Variants in PPP2R5E observed in about 807,000 individuals in gnomAD.
PPP2R5E encodes the protein serine/threonine-protein phosphatase 2A 56 kDa regulatory subunit epsilon isoform.
Under a neutral mutation model 65.3 loss-of-function variants are expected in PPP2R5E, and 4 were observed. That is an observed-to-expected ratio of 0.06 (90% CI 0.03 to 0.14). The LOEUF is 0.14. PPP2R5E is among the 10% of genes least tolerant of loss of function. The pLI is 1.00. For missense variants in PPP2R5E, 274 were observed against 556.1 expected (o/e 0.49, Z 5.10); for synonymous variants, 183 against 187.4 (o/e 0.98, Z 0.19).
At chr14:63,500,278 G>A (rs913758936) in intron 2 of PPP2R5E, among the ~76,000 whole-genome samples, 3 of 152,044 alleles carry the variant, frequency 2.0e-5, no homozygotes, top group Admixed American at 1.3e-4. Flanking sequence ...TTCAGAAACC[G>A]ACGCCCTAGA....
At chr14:63,448,787 C>CA (rs36096050) in intron 3 of PPP2R5E, among the ~76,000 whole-genome samples, 34,312 of 86,180 alleles carry the variant, frequency 0.4, 6,598 homozygotes, top group African/African-American at 0.57. Flanking sequence ...AAGACTTCGT[C>CA]AAAAAAAAAA....
chr14:63,507,287 C>G (rs73278606), intron 2 of PPP2R5E, among the ~76,000 whole-genome samples: 1 of 152,144 alleles, frequency 6.6e-6, no homozygotes, highest in Admixed American at 6.5e-5. Context: ...AACTGCCTAC[C>G]TGCTGTGAGT....
In PPP2R5E at chr14:63,485,381, G is replaced by C. The variant is rs1022172456; in HGVS notation, c.158-31496C>G. ...AGCCTCCAGAGTAACTGGGACTACA[G>C]GCACTAAGCCATGGTTTGTTTTTTT... On this transcript the variant is annotated intron_variant, in intron 2 of 13. Transcript: ENST00000337537. 7.9e-5 allele frequency among the ~76,000 whole-genome samples: 12 copies of C among 152,100 alleles called. 1 individual carries two copies. The highest frequency in any genetic ancestry group is 2.9e-4 in the African/African-American group (12 of 41,416).
chr14:63,428,681 T>C (rs1887469295), intron 3 of PPP2R5E, among the ~76,000 whole-genome samples: 1 of 152,102 alleles, frequency 6.6e-6, no homozygotes, highest in Non-Finnish European at 1.5e-5. Context: ...TGGCCAAATG[T>C]GAAAGAAGAG....
chr14:63,465,463 A>C (rs1889740820), intron 2 of PPP2R5E, among the ~76,000 whole-genome samples: 1 of 133,036 alleles, frequency 7.5e-6, no homozygotes. Flanking sequence ...AAAAAAAAAA[A>C]AAAAAAAAAA....
intron 3 of PPP2R5E, among the ~76,000 whole-genome samples, chr14:63,425,812 TTTAAG>T (rs1422952742): frequency 2.0e-5 from 3 of 152,254 alleles, no homozygotes; most frequent in Non-Finnish European, 4.4e-5. Flanking sequence ...CTTGAATAAA[TTTAAG>T]TTATTTCTAA....
At chr14:63,512,257 C>A (rs890330503) in intron 2 of PPP2R5E, among the ~76,000 whole-genome samples, 4 of 152,100 alleles carry the variant, frequency 2.6e-5, no homozygotes, top group Non-Finnish European at 5.9e-5. Context: ...GATAGAGGAA[C>A]AGTTACGCTC....
At chr14:63,441,534 G>A (rs1888236110) in intron 3 of PPP2R5E, among the ~76,000 whole-genome samples, 1 of 152,238 alleles carries the variant, frequency 6.6e-6, no homozygotes, top group Non-Finnish European at 1.5e-5. Context: ...AGTGCACACA[G>A]GGTAAAATCG....
chr14:63,384,315 G>A, intron 12 of PPP2R5E, 129 bp downstream of exon 12: 3 of 1,102,634 alleles, frequency 2.7e-6, no homozygotes, highest in South Asian at 2.7e-5. Context: ...TGAATCCCCA[G>A]AAGGTAAGGA....
At chr14:63,479,962 A>T (rs907763891) in intron 2 of PPP2R5E, among the ~76,000 whole-genome samples, 6 of 152,168 alleles carry the variant, frequency 3.9e-5, no homozygotes, top group Non-Finnish European at 7.3e-5. Flanking sequence ...TACATAGTAA[A>T]ACTTTCCACA....
chr14:63,489,116 C>T (rs1286533009), intron 2 of PPP2R5E, among the ~76,000 whole-genome samples: 1 of 151,860 alleles, frequency 6.6e-6, no homozygotes, highest in African/African-American at 2.4e-5. Flanking sequence ...CTTTTGTGTA[C>T]TATTGGTGGT....
intron 2 of PPP2R5E, among the ~76,000 whole-genome samples, chr14:63,476,955 T>C (rs1296417445): frequency 6.6e-6 from 1 of 152,128 alleles, no homozygotes; most frequent in Non-Finnish European, 1.5e-5. Flanking sequence ...ATGACTTTAC[T>C]ACAAACGTAC....
chr14:63,418,899 T>C (rs1160977877), intron 4 of PPP2R5E, among the ~76,000 whole-genome samples: 1 of 142,526 alleles, frequency 7.0e-6, no homozygotes, highest in East Asian at 2.1e-4. Context: ...CAGGCAGGAG[T>C]GCAGTGGCGC....
intron 3 of PPP2R5E, among the ~76,000 whole-genome samples, chr14:63,430,393 A>ATGCATG (rs1887597407): frequency 1.4e-5 from 2 of 138,924 alleles, no homozygotes; most frequent in African/African-American, 6.2e-5. Flanking sequence ...ATACATACAT[A>ATGCATG]CATACATGCA....
intron 2 of PPP2R5E, among the ~76,000 whole-genome samples, chr14:63,474,060 G>A (rs968614423): frequency 2.6e-5 from 4 of 152,174 alleles, no homozygotes; most frequent in Non-Finnish European, 5.9e-5. Flanking sequence ...ATGGAAAAGA[G>A]GCAAGATAAG....
chr14:63,452,705 C>A (rs193193737), intron 3 of PPP2R5E: 1 of 152,284 alleles, frequency 6.6e-6, no homozygotes, highest in Admixed American at 6.5e-5. Flanking sequence ...CACAGTCTCA[C>A]GCTGAGATCA....
At chr14:63,533,736 G>C (rs1380286040) in intron 2 of PPP2R5E, among the ~76,000 whole-genome samples, 1 of 152,156 alleles carries the variant, frequency 6.6e-6, no homozygotes, top group Non-Finnish European at 1.5e-5. Context: ...CCTGTGGTCA[G>C]GAGTTCGAGA....
chr14:63,495,626 A>G (rs1034603031), intron 2 of PPP2R5E, among the ~76,000 whole-genome samples: 1 of 151,968 alleles, frequency 6.6e-6, no homozygotes, highest in Non-Finnish European at 1.5e-5. Context: ...GTATATGTAG[A>G]CAAAAAAGTC....
intron 2 of PPP2R5E, among the ~76,000 whole-genome samples, chr14:63,524,470 C>G (rs939198827): frequency 6.6e-6 from 1 of 152,202 alleles, no homozygotes; most frequent in African/African-American, 2.4e-5. Flanking sequence ...AAAAGGGAGA[C>G]TGAAGTTCCA....
Sources: allele counts gnomAD v4.1 joint callset (sites outside exome capture counted in the v4.1 genomes callset), GRCh38; gene constraint gnomAD v4.1.1; transcripts MANE v1.5; gene names NCBI Gene and HGNC (gene_info 2026-07-23, HGNC 2026-07-21).